NCAM1: variants seen among roughly 807,000 people sequenced by gnomAD.
NCAM1 encodes the protein antigen recognized by monoclonal antibody 5.1H11.
A neutral mutation model predicts 109.8 loss-of-function variants in NCAM1; 14 were observed. The observed-to-expected ratio is 0.13, with a 90% CI of 0.08 to 0.20. NCAM1 has a LOEUF of 0.20. Among genes scored for constraint, NCAM1 ranks in the 10% least tolerant of loss-of-function variants. The probability of loss-of-function intolerance (pLI) is 1.00; values close to 1 mark genes in which losing one functional copy is unlikely to be tolerated. For missense variants in NCAM1, 774 were observed against 1,109.9 expected (o/e 0.70, Z 4.30); for synonymous variants, 418 against 442.9 (o/e 0.94, Z 0.70).
chr11:113,069,956 CAGG>C (rs1167414717), intron 1 of NCAM1, among the ~76,000 whole-genome samples: 1 of 151,948 alleles, frequency 6.6e-6, no homozygotes, highest in Non-Finnish European at 1.5e-5. Context: ...GTGAGGTAGT[CAGG>C]AGGATTTGTC....
chr11:113,114,949 G>C (rs2135983005), intron 1 of NCAM1, among the ~76,000 whole-genome samples: 1 of 152,080 alleles, frequency 6.6e-6, no homozygotes, highest in East Asian at 1.9e-4. Context: ...CTCAATTCTT[G>C]GGGGGAATTG....
intron 1 of NCAM1, among the ~76,000 whole-genome samples, chr11:113,058,413 A>T (rs1953791990): frequency 6.6e-6 from 1 of 152,156 alleles, no homozygotes; most frequent in Non-Finnish European, 1.5e-5. Context: ...TATGAGAGGA[A>T]GATTGATAGT....
chr11:113,049,191 C>T (rs1953376861), intron 1 of NCAM1, among the ~76,000 whole-genome samples: 1 of 151,954 alleles, frequency 6.6e-6, no homozygotes, highest in African/African-American at 2.4e-5. Flanking sequence ...ACTGAATGCA[C>T]TAAATGGCAC....
At chr11:113,271,918 C>A (rs1946289721) in intron 19 of NCAM1, 42 bp downstream of exon 19, 2 of 1,458,846 alleles carry the variant, frequency 1.4e-6, no homozygotes, top group African/African-American at 1.4e-5. Context: ...CCGTAGAGAC[C>A]CCCACACCCA....
chr11:113,030,735 A>G (rs1282994353), intron 1 of NCAM1, among the ~76,000 whole-genome samples: 1 of 152,156 alleles, frequency 6.6e-6, no homozygotes, highest in African/African-American at 2.4e-5. Context: ...CTTGCAATAT[A>G]TTTTGTACTT....
chr11:113,235,824 T>A (rs1555118180), intron 14 of NCAM1, among the ~76,000 whole-genome samples: 1 of 152,180 alleles, frequency 6.6e-6, no homozygotes, highest in African/African-American at 2.4e-5. Context: ...CCTCTTTCTT[T>A]TAACTACGCC....
chr11:113,239,933 CGAA>C (rs1403742984), intron 14 of NCAM1, among the ~76,000 whole-genome samples: 2 of 152,168 alleles, frequency 1.3e-5, no homozygotes, highest in Non-Finnish European at 2.9e-5. Flanking sequence ...ATCTAGCTCT[CGAA>C]GGAGACTTTG....
At chr11:113,115,222 A>G (rs916170523) in intron 1 of NCAM1, among the ~76,000 whole-genome samples, 5 of 152,172 alleles carry the variant, frequency 3.3e-5, no homozygotes, top group African/African-American at 1.2e-4. Context: ...AGTTACTTTA[A>G]CCCAGATGTC....
chr11:113,171,726 T>A (rs1943000904), intron 1 of NCAM1, among the ~76,000 whole-genome samples: 1 of 152,228 alleles, frequency 6.6e-6, no homozygotes, highest in Non-Finnish European at 1.5e-5. Context: ...GATTTTCTGA[T>A]CACTCACTGT....
At chr11:113,229,526 G>A (rs562935153) in intron 9 of NCAM1, among the ~76,000 whole-genome samples, 2,222 of 152,242 alleles carry the variant, frequency 0.015, 27 homozygotes, top group Non-Finnish European at 0.023. Context: ...TCAGTGTGGC[G>A]ATTCCTCAGG....
At chr11:112,997,866 A>G (rs11214448) in intron 1 of NCAM1, among the ~76,000 whole-genome samples, 1,526 of 152,290 alleles carry the variant, frequency 0.01, 24 homozygotes, top group African/African-American at 0.034. Flanking sequence ...AGTTTTGTGA[A>G]TATTTTGTTC....
At chr11:113,095,130 C>G (rs910050999) in intron 1 of NCAM1, among the ~76,000 whole-genome samples, 1 of 152,106 alleles carries the variant, frequency 6.6e-6, no homozygotes, top group Admixed American at 6.5e-5. Flanking sequence ...TTTATCAAAA[C>G]TCAATAATTT....
chr11:113,226,522 A>G (rs189142156), intron 9 of NCAM1, among the ~76,000 whole-genome samples: 2,008 of 152,284 alleles, frequency 0.013, 31 homozygotes, highest in African/African-American at 0.039. Context: ...ACAGATCCAC[A>G]AGACAGAAAG....
chr11:113,236,640 T>C (rs1326479952), intron 14 of NCAM1, among the ~76,000 whole-genome samples: 2 of 152,186 alleles, frequency 1.3e-5, no homozygotes, highest in African/African-American at 4.8e-5. Flanking sequence ...AGTCTGCAGA[T>C]GGGCCCTGAA....
intron 1 of NCAM1, among the ~76,000 whole-genome samples, chr11:113,028,582 A>T (rs1952627910): frequency 6.6e-6 from 1 of 152,212 alleles, no homozygotes; most frequent in Non-Finnish European, 1.5e-5. Context: ...TTCTTTGTCA[A>T]ATCATGCCTA....
chr11:113,263,926 T>C, intron 17 of NCAM1: 2 of 985,538 alleles, frequency 2.0e-6, no homozygotes, highest in Non-Finnish European at 2.4e-6. Flanking sequence ...CAGTGCTTCC[T>C]GAATGCCCCA....
At chr11:113,225,842 A>C (rs1555116103) in intron 9 of NCAM1, among the ~76,000 whole-genome samples, 2 of 152,230 alleles carry the variant, frequency 1.3e-5, no homozygotes. Flanking sequence ...AAGCCTCATA[A>C]GTGAAGGAGA....
rs1565532985 is a variant in NCAM1 at position 113,256,009 on chromosome 11, GCCT to G, written c.1953+12_1953+14del. ...CTGGTCAGGTACCGAGCGGTGAGTG[GCCT>G]CCTTCTCAGACTTCACCAGAACCCT... On this transcript the variant is annotated intron_variant, in intron 16 of 19. Transcript: ENST00000316851. The G allele has an allele frequency of 6.3e-7, 1 of 1,593,558 alleles. No homozygotes were observed. The highest frequency in any genetic ancestry group is 1.3e-5 in the African/African-American group (1 of 74,482).
At chr11:113,219,736 G>GA (rs1231293679) in intron 8 of NCAM1, among the ~76,000 whole-genome samples, 1 of 152,158 alleles carries the variant, frequency 6.6e-6, no homozygotes, top group African/African-American at 2.4e-5. Flanking sequence ...AATCAGATTT[G>GA]AAAAAACATA....
Sources: allele counts gnomAD v4.1 joint callset (sites outside exome capture counted in the v4.1 genomes callset), GRCh38; gene constraint gnomAD v4.1.1; transcripts MANE v1.5; gene names NCBI Gene and HGNC (gene_info 2026-07-23, HGNC 2026-07-21).